Variants in MEMO1 observed in about 807,000 individuals in gnomAD.
MEMO1 encodes mediator of cell motility 1.
In MEMO1, 6 loss-of-function variants were observed where a neutral mutation model predicts 45.2. That is an observed-to-expected ratio of 0.13 (90% confidence interval 0.07 to 0.26). The LOEUF (loss-of-function observed/expected upper bound fraction) is 0.26. Ranked by LOEUF, MEMO1 falls within the 10% of genes least tolerant of loss-of-function variation. The probability of loss-of-function intolerance (pLI) is 1.00; values close to 1 mark genes in which losing one functional copy is unlikely to be tolerated. For missense variants in MEMO1, 184 were observed against 370.5 expected (o/e 0.50, Z 4.13); for synonymous variants, 78 against 124.3 (o/e 0.63, Z 2.48).
At chr2:31,944,687 T>G (rs539105799) in intron 2 of MEMO1, among the ~76,000 whole-genome samples, 2 of 152,306 alleles carry the variant, frequency 1.3e-5, no homozygotes, top group East Asian at 3.9e-4. Context: ...TTTTACTTTA[T>G]CATTATTATT....
chr2:32,010,043 T>C (rs1674649804), intron 2 of MEMO1, 144 bp downstream of exon 2: 1 of 215,524 alleles, frequency 4.6e-6, no homozygotes, highest in African/African-American at 2.4e-5. Context: ...GCTCGCTCCC[T>C]CCCCACGCGG....
chr2:31,897,088 C>A (rs973587987), intron 6 of MEMO1, among the ~76,000 whole-genome samples: 1 of 152,196 alleles, frequency 6.6e-6, no homozygotes, highest in Non-Finnish European at 1.5e-5. Flanking sequence ...TGAGACTTCA[C>A]TGAAGTTGCT....
At chr2:31,926,573 G>A (rs1199581182) in intron 4 of MEMO1, among the ~76,000 whole-genome samples, 3 of 151,748 alleles carry the variant, frequency 2.0e-5, no homozygotes, top group African/African-American at 7.3e-5. Context: ...TTTTTGCCAG[G>A]CACAGTGGCT....
intron 2 of MEMO1, among the ~76,000 whole-genome samples, chr2:31,947,819 A>G (rs879661634): frequency 1.3e-5 from 2 of 152,210 alleles, no homozygotes; most frequent in Non-Finnish European, 2.9e-5. Flanking sequence ...AAATACGCAC[A>G]CACACACACA....
At chr2:31,990,122 A>G (rs927476671) in intron 2 of MEMO1, among the ~76,000 whole-genome samples, 1 of 152,216 alleles carries the variant, frequency 6.6e-6, no homozygotes, top group African/African-American at 2.4e-5. Flanking sequence ...GTCTCAAAAA[A>G]TTAAATAAAA....
At chr2:31,895,380 A>T (rs1677611794) in intron 6 of MEMO1, among the ~76,000 whole-genome samples, 1 of 152,256 alleles carries the variant, frequency 6.6e-6, no homozygotes, top group South Asian at 2.1e-4. Flanking sequence ...CCATGCTCAA[A>T]GTTATGATGA....
At chr2:31,995,344 C>A (rs1057445430) in intron 2 of MEMO1, among the ~76,000 whole-genome samples, 5 of 151,846 alleles carry the variant, frequency 3.3e-5, no homozygotes, top group African/African-American at 9.7e-5. Flanking sequence ...CCCAGCTACT[C>A]GGGAGAGGCT....
intron 2 of MEMO1, among the ~76,000 whole-genome samples, chr2:31,965,940 T>C (rs1490334099): frequency 4.6e-5 from 7 of 152,100 alleles, no homozygotes; most frequent in Admixed American, 1.3e-4. Context: ...AACCTGCACA[T>C]CCTACACATG....
chr2:31,961,045 C>T (rs1349031975), intron 2 of MEMO1, among the ~76,000 whole-genome samples: 3 of 152,180 alleles, frequency 2.0e-5, no homozygotes, highest in African/African-American at 4.8e-5. Context: ...TTTAGATATA[C>T]TTGATGTTAA....
At chr2:31,966,718 G>C (rs537078769) in intron 2 of MEMO1, among the ~76,000 whole-genome samples, 57 of 87,830 alleles carry the variant, frequency 6.5e-4, no homozygotes, top group African/African-American at 2.2e-3. Context: ...GGGTAACAGA[G>C]CAAGACTCTG....
intron 7 of MEMO1, among the ~76,000 whole-genome samples, chr2:31,887,492 C>A (rs1160708372): frequency 6.6e-6 from 1 of 152,140 alleles, no homozygotes; most frequent in Non-Finnish European, 1.5e-5. Flanking sequence ...TTAAACCTCA[C>A]AACAACCTTG....
At chr2:31,945,771 C>T (rs925715066) in intron 2 of MEMO1, among the ~76,000 whole-genome samples, 9 of 152,168 alleles carry the variant, frequency 5.9e-5, no homozygotes, top group African/African-American at 2.2e-4. Context: ...AAATTACATC[C>T]TGTCATAAAG....
intron 6 of MEMO1, among the ~76,000 whole-genome samples, chr2:31,913,035 T>C (rs546821658): frequency 4.6e-5 from 7 of 152,150 alleles, no homozygotes; most frequent in Non-Finnish European, 8.8e-5. Context: ...TCCCAGCACC[T>C]TGGGAGGCCA....
chr2:31,985,459 G>A (rs1671149374), intron 2 of MEMO1, among the ~76,000 whole-genome samples: 1 of 152,178 alleles, frequency 6.6e-6, no homozygotes, highest in African/African-American at 2.4e-5. Flanking sequence ...CAGAGTAGCT[G>A]GGATTACAGG....
intron 4 of MEMO1, among the ~76,000 whole-genome samples, chr2:31,921,755 G>T (rs1234994916): frequency 2.0e-5 from 3 of 151,844 alleles, no homozygotes; most frequent in African/African-American, 7.3e-5. Flanking sequence ...TCCATGGTAG[G>T]GTGAAAAAGG....
intron 4 of MEMO1, among the ~76,000 whole-genome samples, chr2:31,928,029 T>C (rs2148224868): frequency 6.6e-6 from 1 of 152,364 alleles, no homozygotes; most frequent in South Asian, 2.1e-4. Context: ...TCTCTAGCAC[T>C]ACCACAATAT....
intron 2 of MEMO1, among the ~76,000 whole-genome samples, chr2:31,948,025 C>G (rs1009794849): frequency 6.6e-6 from 1 of 152,180 alleles, no homozygotes; most frequent in Non-Finnish European, 1.5e-5. Flanking sequence ...AATGCTGATT[C>G]TGATCCTACA....
intron 2 of MEMO1, among the ~76,000 whole-genome samples, chr2:31,957,409 A>G (rs2148392227): frequency 6.6e-6 from 1 of 152,342 alleles, no homozygotes; most frequent in African/African-American, 2.4e-5. Flanking sequence ...AAAACAAATC[A>G]TTGTTGAACC....
intron 2 of MEMO1, among the ~76,000 whole-genome samples, chr2:31,969,281 C>A (rs1250480028): frequency 6.7e-6 from 1 of 149,488 alleles, no homozygotes; most frequent in Non-Finnish European, 1.5e-5. Context: ...ATATATATAT[C>A]CTGCTTTATA....
Sources: gnomAD v4.1 joint callset for allele counts (sites outside exome capture counted in the v4.1 genomes callset) on GRCh38, gnomAD v4.1.1 for gene constraint, MANE v1.5 for transcripts, NCBI Gene and HGNC (gene_info 2026-07-23, HGNC 2026-07-21) for gene names.